The following ADD3 variants were observed in gnomAD, a reference collection of about 807,000 sequenced individuals.
ADD3 encodes the protein adducin 3, also known as gamma-adducin.
A neutral mutation model predicts 80.2 loss-of-function variants in ADD3; 25 were observed. That is an observed-to-expected ratio of 0.31 (90% CI 0.23 to 0.44). ADD3 has a LOEUF of 0.44. Among genes scored for constraint, ADD3 ranks in the 20% least tolerant of loss-of-function variants. The pLI, the probability that ADD3 is intolerant of heterozygous loss-of-function variation, is 1.00. For synonymous variants in ADD3, 284 were observed against 289.6 expected (o/e 0.98, Z 0.20); for missense variants, 829 against 847.5 (o/e 0.98, Z 0.27).
intron 2 of ADD3, among the ~76,000 whole-genome samples, chr10:110,101,364 G>A (rs955047126): frequency 1.8e-4 from 28 of 152,254 alleles, no homozygotes; most frequent in African/African-American, 6.7e-4. Flanking sequence ...GCCAGGCTCA[G>A]TGGCTCACAG....
At chr10:110,121,395 A>C (rs1192803347) in intron 8 of ADD3, among the ~76,000 whole-genome samples, 1 of 152,202 alleles carries the variant, frequency 6.6e-6, no homozygotes, top group African/African-American at 2.4e-5. Flanking sequence ...AGGCGGGAGA[A>C]TCGCTTGAAC....
intron 1 of ADD3, among the ~76,000 whole-genome samples, chr10:110,079,743 G>T (rs1564940362): frequency 6.6e-6 from 1 of 152,034 alleles, no homozygotes; most frequent in Non-Finnish European, 1.5e-5. Context: ...GTTTCACCAT[G>T]TTGGCCGGGC....
intron 1 of ADD3, among the ~76,000 whole-genome samples, chr10:110,042,408 T>C (rs1256281073): frequency 6.6e-6 from 1 of 152,182 alleles, no homozygotes; most frequent in African/African-American, 2.4e-5. Context: ...AAGTAAAGCC[T>C]TTCTTGTTCG....
At chr10:110,034,235 G>T (rs759946557) in intron 1 of ADD3, among the ~76,000 whole-genome samples, 1 of 151,778 alleles carries the variant, frequency 6.6e-6, no homozygotes, top group Non-Finnish European at 1.5e-5. Flanking sequence ...TCAGCCTAGG[G>T]GATATAATGC....
chr10:110,086,925 C>T (rs1846843174), intron 1 of ADD3, among the ~76,000 whole-genome samples: 3 of 152,202 alleles, frequency 2.0e-5, no homozygotes, highest in South Asian at 4.1e-4. Context: ...CATGAACCTG[C>T]AAGATGTGGG....
chr10:110,021,623 A>G (rs1028509792), intron 1 of ADD3, among the ~76,000 whole-genome samples: 2 of 152,212 alleles, frequency 1.3e-5, no homozygotes, highest in Non-Finnish European at 2.9e-5. Context: ...GCCACATATT[A>G]TATGGTTCCA....
chr10:110,077,664 T>G (rs995415961), intron 1 of ADD3, among the ~76,000 whole-genome samples: 1 of 152,292 alleles, frequency 6.6e-6, no homozygotes, highest in African/African-American at 2.4e-5. Flanking sequence ...GTTCCATGCC[T>G]CATCAGTTCC....
At chr10:110,117,241 C>G (rs1850854907) in intron 4 of ADD3, 101 bp from the exon 5 acceptor site, 1 of 577,086 alleles carries the variant, frequency 1.7e-6, no homozygotes, top group Non-Finnish European at 3.0e-6. Context: ...TTTTTTTTTC[C>G]TGATCTCTTA....
At position 110,121,389 on chromosome 10, in the gene ADD3, G is replaced by A. The variant is rs180700135; in HGVS notation, c.961-721G>A. On this transcript the variant is annotated intron_variant, in intron 8 of 14. Transcript: ENST00000356080. ...TCCCAGCTACTTGGGAGGCTGAGGCGGGAGAATCGCTTGAACCCGGGAGGC... is the reference window on the plus strand; with the variant it reads ...TCCCAGCTACTTGGGAGGCTGAGGCAGGAGAATCGCTTGAACCCGGGAGGC... Among the ~76,000 whole-genome samples the A allele has an allele frequency of 2.8e-3, 425 of 152,170 alleles. 3 individuals carry two copies. The highest frequency in any genetic ancestry group is 9.6e-3 in the African/African-American group (398 of 41,516).
intron 1 of ADD3, among the ~76,000 whole-genome samples, chr10:110,073,587 C>T (rs1845038005): frequency 6.6e-6 from 1 of 152,208 alleles, no homozygotes; most frequent in Admixed American, 6.5e-5. Flanking sequence ...GCATTTAGAT[C>T]TCTGAGGACA....
intron 10 of ADD3, among the ~76,000 whole-genome samples, chr10:110,125,255 A>G (rs376554728): frequency 3.9e-5 from 6 of 152,234 alleles, no homozygotes; most frequent in African/African-American, 1.4e-4. Context: ...TTTAAGGATT[A>G]TAATATGGGG....
At chr10:110,037,814 C>T (rs185638464) in intron 1 of ADD3, among the ~76,000 whole-genome samples, 1 of 151,772 alleles carries the variant, frequency 6.6e-6, no homozygotes, top group Non-Finnish European at 1.5e-5. Flanking sequence ...AGCCTGTAAT[C>T]CCAGCACTTT....
chr10:110,104,706 A>G (rs1564985979), intron 2 of ADD3, among the ~76,000 whole-genome samples: 1 of 152,232 alleles, frequency 6.6e-6, no homozygotes, highest in Non-Finnish European at 1.5e-5. Flanking sequence ...AAAGTATAAT[A>G]CTTTTTTATT....
At chr10:110,087,612 C>G (rs979817168) in intron 1 of ADD3, among the ~76,000 whole-genome samples, 4 of 152,172 alleles carry the variant, frequency 2.6e-5, no homozygotes, top group African/African-American at 9.7e-5. Context: ...TTGTGGAAAA[C>G]CAGAATGTTG....
chr10:110,075,688 C>T (rs556915997), intron 1 of ADD3: 1 of 152,300 alleles, frequency 6.6e-6, no homozygotes, highest in Non-Finnish European at 1.5e-5. Flanking sequence ...AGACAGGATT[C>T]TTCTACTATA....
chr10:110,114,303 G>A (rs1039044580), intron 3 of ADD3, among the ~76,000 whole-genome samples: 1 of 152,186 alleles, frequency 6.6e-6, no homozygotes, highest in Non-Finnish European at 1.5e-5. Context: ...GCTATTTTTT[G>A]TGGCTTATGT....
chr10:110,018,433 T>G (rs954032129), intron 1 of ADD3, among the ~76,000 whole-genome samples: 6 of 143,726 alleles, frequency 4.2e-5, no homozygotes, highest in African/African-American at 1.5e-4. Flanking sequence ...GAGGCTGAGG[T>G]AGGGGAATCG....
intron 1 of ADD3, among the ~76,000 whole-genome samples, chr10:110,086,358 C>G (rs947662058): frequency 6.6e-5 from 10 of 152,000 alleles, no homozygotes; most frequent in Non-Finnish European, 1.3e-4. Context: ...TGCAGTGAGC[C>G]GAGATCATGC....
intron 2 of ADD3, among the ~76,000 whole-genome samples, chr10:110,109,629 C>G (rs570597510): frequency 6.6e-6 from 1 of 152,116 alleles, no homozygotes. Flanking sequence ...TCAGTTATAA[C>G]TACTTTGAAC....
Sources: gnomAD v4.1 joint callset for allele counts (sites outside exome capture counted in the v4.1 genomes callset) on GRCh38, gnomAD v4.1.1 for gene constraint, MANE v1.5 for transcripts, NCBI Gene and HGNC (gene_info 2026-07-23, HGNC 2026-07-21) for gene names.